The following FRMPD3 variants were observed in gnomAD, a reference collection of about 807,000 sequenced individuals.
FRMPD3 encodes FERM and PDZ domain containing 3, also known as FERM and PDZ domain-containing protein 3.
FRMPD3 carries 42 observed loss-of-function variants against 97.9 expected under a neutral mutation model. The observed-to-expected ratio is 0.43, with a 90% CI of 0.34 to 0.55. FRMPD3 has a LOEUF of 0.55. Among genes scored for constraint, FRMPD3 ranks in the 20% least tolerant of loss-of-function variants. FRMPD3 has a pLI of 0.03. For missense variants in FRMPD3, 1,303 were observed against 1,457.7 expected (o/e 0.89, Z 1.73); for synonymous variants, 577 against 581.1 (o/e 0.99, Z 0.10).
Position 107,471,019 on chromosome X carries a change from T to A in FRMPD3, c.-8+21014T>A, listed in dbSNP as rs1921042391. Among the ~76,000 whole-genome samples, 3 of 112,524 alleles carry A rather than the reference T, an allele frequency of 2.7e-5. No homozygotes were observed. In the Admixed American group the frequency reaches 2.8e-4, roughly 11 times the overall value. ...CTCAGAAAGCCCAGCGCTATGGGCGTGGCCAGGGAATAAGGAGAAAGCTAG... is the reference window on the plus strand; with the variant it reads ...CTCAGAAAGCCCAGCGCTATGGGCGAGGCCAGGGAATAAGGAGAAAGCTAG... On this transcript the variant is annotated intron_variant, in intron 1 of 14. Coordinates refer to ENST00000683843, the MANE Select transcript of FRMPD3 (RefSeq NM_001388459.1).
At chrX:107,554,577 T>G in intron 8 of FRMPD3, 73 bp downstream of exon 8, 1 of 1,127,428 alleles carries the variant, frequency 8.9e-7, no homozygotes, top group East Asian at 3.2e-5. Flanking sequence ...GCCATCACAA[T>G]GAAATAGCTA....
chrX:107,539,397 C>A (rs1272087107), intron 4 of FRMPD3, among the ~76,000 whole-genome samples: 1 of 112,185 alleles, frequency 8.9e-6, no homozygotes, highest in African/African-American at 3.2e-5. Context: ...ATCTTGAAAT[C>A]TTTAGACCTT....
chrX:107,499,290 G>A (rs1159718593), intron 1 of FRMPD3, among the ~76,000 whole-genome samples: 1 of 111,815 alleles, frequency 8.9e-6, no homozygotes, highest in East Asian at 2.8e-4. Context: ...GTAGCAGAGG[G>A]CATTCTGGGT....
At chrX:107,515,590 A>G (rs1303007700) in intron 1 of FRMPD3, among the ~76,000 whole-genome samples, 1 of 112,035 alleles carries the variant, frequency 8.9e-6, no homozygotes, top group Non-Finnish European at 1.9e-5. Context: ...AAGTGGAGAC[A>G]TATGTGTAGA....
chrX:107,599,429 C>T (rs1212430727), intron 14 of FRMPD3, among the ~76,000 whole-genome samples: 1 of 110,659 alleles, frequency 9.0e-6, no homozygotes, highest in South Asian at 3.8e-4. Flanking sequence ...TGTATTTGGC[C>T]CCCAGGGCTG....
At position 107,602,029 on chromosome X, in the gene FRMPD3, TAGCCAGAGGC is replaced by T. The variant is rs753893212; in HGVS notation, c.4001_4010del (p.Gln1334LeufsTer5). The T allele has an allele frequency of 8.5e-7, 1 of 1,181,319 alleles. No homozygotes were observed. The highest frequency in any genetic ancestry group is 1.1e-6 in the Non-Finnish European group (1 of 880,907). ...GGAGGGAAAGGGACAGAGTCCTCCC[TAGCCAGAGGC>T]AGCCAGAGGCTGGCCCAGGCGTGAG... On this transcript the variant is annotated frameshift_variant, in exon 15 of 15. Coordinates refer to ENST00000683843, the MANE Select transcript of FRMPD3 (RefSeq NM_001388459.1). LOFTEE classifies it high-confidence loss of function.
At chrX:107,475,469 T>C (rs922753901) in intron 1 of FRMPD3, among the ~76,000 whole-genome samples, 2 of 112,428 alleles carry the variant, frequency 1.8e-5, no homozygotes, top group Non-Finnish European at 3.8e-5. Flanking sequence ...TCAGCTATTA[T>C]TTCCAGGTGC....
chrX:107,493,177 CAAAAAAAAA>C (rs60695168), intron 1 of FRMPD3, among the ~76,000 whole-genome samples: 9 of 51,719 alleles, frequency 1.7e-4, no homozygotes, highest in East Asian at 7.7e-4. Flanking sequence ...GAGACCCTGT[CAAAAAAAAA>C]AAAAAAAAAA....
Position 107,602,242 on chromosome X carries a change from C to G in FRMPD3, c.4203C>G (p.Asp1401Glu), listed in dbSNP as rs1183650857. The G allele has an allele frequency of 1.7e-6, 2 of 1,208,983 alleles. No homozygotes were observed. The highest frequency in any genetic ancestry group is 4.4e-5 in the Admixed American group (2 of 45,967). ...GCCGCTACAGTATCAGTGAGCTGGA[C>G]CAGGGTGACAGGGCCTCGCTGACCT... ...LMRRYSISELDQGDRASLTSD... is the reference protein window; with the variant it reads ...LMRRYSISELEQGDRASLTSD... The change falls in exon 15 of 15, where the codon GAC (aspartate) becomes GAG (glutamate). Residue 1401 changes from aspartate (D) to glutamate (E), a missense_variant. Physicochemically the swap from Asp to Glu is conservative, Grantham distance 45. This residue lies in a region of FRMPD3 where 764 missense variants were observed against 820.2 expected (regional missense o/e 0.93). Transcript: ENST00000683843.
Position 107,600,912 on chromosome X carries a change from C to T in FRMPD3, c.2873C>T (p.Ala958Val). The T allele has an allele frequency of 8.3e-7, 1 of 1,209,481 alleles. No homozygotes were observed. Among genetic ancestry groups the T allele is most frequent in the Non-Finnish European group, 1.1e-6 (1 of 894,779 alleles). ...KSSVTPAIISAALQQVVHNKS... is the reference protein window; with the variant it reads ...KSSVTPAIISVALQQVVHNKS... ...AGTGTGACCCCTGCCATCATCTCGG[C>T]CGCCCTACAGCAAGTGGTTCACAAT... Residue 958 changes from alanine to valine, a missense_variant, in exon 15 of 15, where the codon GCC (alanine) becomes GTC (valine). Physicochemically the swap from Ala to Val is moderately conservative, Grantham distance 64. Transcript: ENST00000683843.
At chrX:107,594,420 G>A (rs1034690157) in intron 13 of FRMPD3, among the ~76,000 whole-genome samples, 2 of 111,713 alleles carry the variant, frequency 1.8e-5, no homozygotes, top group African/African-American at 6.5e-5. Context: ...TATTATTGAC[G>A]GTAGTCACCC....
rs1207294499 is a variant in FRMPD3 at position 107,565,030 on chromosome X, C to A, written c.1260C>A (p.Gly420=). 3 of 1,199,286 alleles carry A rather than the reference C, an allele frequency of 2.5e-6. No homozygotes were observed. In the South Asian group the frequency reaches 5.5e-5, roughly 22 times the overall value. Residue 420 remains glycine, a synonymous_variant, in exon 12 of 15, where the codon GGC becomes GGA. Transcript: ENST00000683843. ...TCCAGCTGTTCCGGGAGAACCAGGG[C>A]GTGGCCCGGGTGGAGACCAGCATCA... ...SKIQLFRENQ[G]VARVETSIMD...
rs1171392641 is a variant in FRMPD3 at position 107,590,693 on chromosome X, G to A, written c.1442-6628G>A. On this transcript the variant is annotated intron_variant, in intron 13 of 14. Coordinates refer to ENST00000683843, the MANE Select transcript of FRMPD3 (RefSeq NM_001388459.1). ...ACTGCAATAAATCCCACTTGGTCAT[G>A]GTGTATAATTCTTTTTATATGTTGC... Among the ~76,000 whole-genome samples the A allele has an allele frequency of 3.5e-5, 4 of 112,891 alleles. No individual in the cohort carries two copies. In the East Asian group the frequency reaches 1.1e-3, roughly 31 times the overall value.
chrX:107,595,085 G>A (rs1310056399), intron 13 of FRMPD3, among the ~76,000 whole-genome samples: 1 of 111,099 alleles, frequency 9.0e-6, no homozygotes. Context: ...GGGAGGCTGA[G>A]GCAGGCAGAT....
intron 2 of FRMPD3, among the ~76,000 whole-genome samples, chrX:107,527,830 G>GA (rs1350954936): frequency 1.8e-5 from 2 of 110,701 alleles, no homozygotes; most frequent in African/African-American, 3.3e-5. Context: ...GGGCACAGAG[G>GA]AAAAAAAACA....
intron 13 of FRMPD3, among the ~76,000 whole-genome samples, chrX:107,584,166 C>G (rs921127835): frequency 9.0e-6 from 1 of 110,519 alleles, no homozygotes; most frequent in African/African-American, 3.3e-5. Context: ...CACGCCTGGC[C>G]CTGTTTTGTT....
At chrX:107,582,601 C>A (rs1923445704) in intron 13 of FRMPD3, among the ~76,000 whole-genome samples, 2 of 112,629 alleles carry the variant, frequency 1.8e-5, no homozygotes, top group Middle Eastern at 9.2e-3. Context: ...GGCTTATTGG[C>A]CACTTGTATA....
intron 1 of FRMPD3, among the ~76,000 whole-genome samples, chrX:107,485,560 T>C (rs1199219058): frequency 8.9e-6 from 1 of 112,658 alleles, no homozygotes. Context: ...CAGTGCTGTG[T>C]TCAATAAGAT....
At chrX:107,573,325 G>A (rs746386035) in intron 12 of FRMPD3, among the ~76,000 whole-genome samples, 39 of 111,468 alleles carry the variant, frequency 3.5e-4, no homozygotes, top group African/African-American at 1.2e-3. Context: ...TTGGGCCCTC[G>A]TGGTAGCCGC....
Sources: gnomAD v4.1 joint callset for allele counts (sites outside exome capture counted in the v4.1 genomes callset) on GRCh38, gnomAD v4.1.1 for gene constraint, gnomAD v4.1.1 regional missense constraint, MANE v1.5 for transcripts, NCBI Gene and HGNC (gene_info 2026-07-23, HGNC 2026-07-21) for gene names.